Variants in DNAH7 observed in about 807,000 individuals in gnomAD.
The protein encoded by DNAH7 is dynein axonemal heavy chain 7.
In DNAH7, 397 loss-of-function variants were observed where a neutral mutation model predicts 444.6. The observed-to-expected ratio is 0.89, with a 90% CI of 0.82 to 0.97. The LOEUF (loss-of-function observed/expected upper bound fraction) is 0.97, where lower values mean the gene tolerates loss of function less well. DNAH7 is among the 50% of genes least tolerant of loss of function. DNAH7 has a pLI of 0.00. For synonymous variants in DNAH7, 1,636 were observed against 1,624.4 expected (o/e 1.01, Z -0.17); for missense variants, 4,902 against 4,800.8 (o/e 1.02, Z -0.62).
At chr2:195,976,747 C>CAGAGGAGAGAGAGAGAGAGAGAG in intron 15 of DNAH7, among the ~76,000 whole-genome samples, 1 of 90,620 alleles carries the variant, frequency 1.1e-5, no homozygotes, top group South Asian at 5.5e-4. Flanking sequence ...GAGAGGCAGA[C>CAGAGGAGAGAGAGAGAGAGAGAG]AGAGAGAGAG....
chr2:196,056,309 G>T (rs918019965), intron 2 of DNAH7, among the ~76,000 whole-genome samples: 1 of 151,762 alleles, frequency 6.6e-6, no homozygotes, highest in Admixed American at 6.6e-5. Context: ...GGCAGGCGTG[G>T]TGGCATACAC....
chr2:196,063,070 T>C (rs1051428288), intron 1 of DNAH7, among the ~76,000 whole-genome samples: 1 of 152,080 alleles, frequency 6.6e-6, no homozygotes, highest in Non-Finnish European at 1.5e-5. Flanking sequence ...TGAGTACAGA[T>C]GGGGTTTCGC....
chr2:195,745,510 C>T (rs1693342641), intron 63 of DNAH7, among the ~76,000 whole-genome samples: 1 of 152,114 alleles, frequency 6.6e-6, no homozygotes, highest in African/African-American at 2.4e-5. Context: ...GAGAACGCCA[C>T]AAAGATACTC....
At chr2:195,900,224 A>T (rs976426954) in intron 28 of DNAH7, 58 bp downstream of exon 28, 45 of 1,560,102 alleles carry the variant, frequency 2.9e-5, no homozygotes, top group Non-Finnish European at 3.8e-5. Flanking sequence ...CTGAAGACCC[A>T]TTAGGCTGGA....
At chr2:195,866,438 G>C (rs1290474847) in intron 40 of DNAH7, among the ~76,000 whole-genome samples, 1 of 151,952 alleles carries the variant, frequency 6.6e-6, no homozygotes, top group Non-Finnish European at 1.5e-5. Context: ...TTCTCTGTGA[G>C]ACAATCTAAT....
At chr2:195,989,421 A>G (rs1025157450) in intron 12 of DNAH7, among the ~76,000 whole-genome samples, 4 of 152,114 alleles carry the variant, frequency 2.6e-5, no homozygotes, top group East Asian at 1.9e-4. Context: ...TTCTATTTGT[A>G]TTTCTCTGAT....
At chr2:195,991,905 CTAAT>C (rs1693366237) in intron 12 of DNAH7, among the ~76,000 whole-genome samples, 1 of 152,126 alleles carries the variant, frequency 6.6e-6, no homozygotes, top group Non-Finnish European at 1.5e-5. Context: ...GTATGGACAT[CTAAT>C]TAATGTACAT....
rs73040666 is a variant in DNAH7, at chr2:195,900,657, G to T, written c.4336-163C>A. On this transcript the variant is annotated intron_variant, in intron 27 of 64. Coordinates refer to ENST00000312428, the MANE Select transcript of DNAH7 (RefSeq NM_018897.3). ...GTAACTAGAGGCTGGGAAAGGTGAG[G>T]TGGGGCAATGGGGAGAGGCTGGTTA... The T allele has an allele frequency of 0.013, 7,809 of 616,440 alleles. 433 individuals carry two copies. The African/African-American group carries it at 0.13, about 10-fold the overall frequency. The allele number at this position is 616,440 out of a possible 1,614,324, so 38.2% of individuals were successfully genotyped here.
chr2:196,047,736 T>C (rs1697227687), intron 4 of DNAH7, among the ~76,000 whole-genome samples: 1 of 151,802 alleles, frequency 6.6e-6, no homozygotes, highest in Admixed American at 6.6e-5. Flanking sequence ...TTGATTAATA[T>C]ACTAATAAAA....
At chr2:195,835,204 T>C (rs1698283409) in intron 47 of DNAH7, among the ~76,000 whole-genome samples, 1 of 152,048 alleles carries the variant, frequency 6.6e-6, no homozygotes, top group Non-Finnish European at 1.5e-5. Context: ...ACACAAGCTC[T>C]AATCCTGGCC....
intron 10 of DNAH7, among the ~76,000 whole-genome samples, chr2:196,011,132 T>C (rs1694706919): frequency 6.6e-6 from 1 of 152,144 alleles, no homozygotes; most frequent in Non-Finnish European, 1.5e-5. Context: ...TTATAGTATA[T>C]TCCAAAATAG....
intron 23 of DNAH7, 74 bp from the exon 24 acceptor site, chr2:195,922,271 G>C (rs1688071436): frequency 1.1e-6 from 1 of 875,900 alleles, no homozygotes; most frequent in East Asian, 2.6e-5. Context: ...TCTTTAATAA[G>C]TAATAACCAT....
chr2:195,793,779 T>G (rs532030034), intron 57 of DNAH7, among the ~76,000 whole-genome samples: 120 of 152,328 alleles, frequency 7.9e-4, no homozygotes, highest in African/African-American at 2.8e-3. Flanking sequence ...AACTCTTCCA[T>G]TTTTAATTAT....
chr2:195,910,005 G>C (rs1687261884), intron 25 of DNAH7, 22 bp downstream of exon 25: 1 of 1,602,798 alleles, frequency 6.2e-7, no homozygotes, highest in Non-Finnish European at 8.5e-7. Context: ...CTGTTGTAAA[G>C]AAATGAGGAG....
chr2:195,930,779 T>C (rs1688639729), intron 21 of DNAH7, among the ~76,000 whole-genome samples: 1 of 152,170 alleles, frequency 6.6e-6, no homozygotes, highest in Non-Finnish European at 1.5e-5. Context: ...TCAACCTAGG[T>C]GCCATCAATG....
At chr2:195,991,937 C>T (rs535737876) in intron 12 of DNAH7, among the ~76,000 whole-genome samples, 5 of 152,244 alleles carry the variant, frequency 3.3e-5, no homozygotes, top group South Asian at 2.1e-4. Flanking sequence ...GCCCAGCAAC[C>T]GGAAAAATCT....
chr2:195,963,439 C>T (rs929372248), intron 17 of DNAH7, among the ~76,000 whole-genome samples: 1 of 152,158 alleles, frequency 6.6e-6, no homozygotes, highest in Non-Finnish European at 1.5e-5. Context: ...ACATCTTTTG[C>T]CCATTTTAAA....
chr2:195,875,958 G>T, intron 37 of DNAH7, 115 bp from the exon 38 acceptor site: 1 of 931,488 alleles, frequency 1.1e-6, no homozygotes, highest in African/African-American at 1.7e-5. Context: ...TACATATGAG[G>T]AAGTGATGGT....
chr2:196,004,953 G>A (rs1349558486), intron 10 of DNAH7, among the ~76,000 whole-genome samples: 5 of 129,472 alleles, frequency 3.9e-5, no homozygotes, highest in Non-Finnish European at 6.3e-5. Flanking sequence ...ACAGCATGAG[G>A]CCTTGTGTCA....
Sources: gnomAD v4.1 joint callset for allele counts (sites outside exome capture counted in the v4.1 genomes callset) on GRCh38, gnomAD v4.1.1 for gene constraint, MANE v1.5 for transcripts, NCBI Gene and HGNC (gene_info 2026-07-23, HGNC 2026-07-21) for gene names.